Variants in SEMA3C observed in about 807,000 individuals in gnomAD.
SEMA3C encodes semaphorin 3C.
SEMA3C carries 47 observed loss-of-function variants against 89.4 expected under a neutral mutation model. The observed-to-expected ratio is 0.53, with a 90% confidence interval of 0.42 to 0.67. The LOEUF (loss-of-function observed/expected upper bound fraction) is 0.67, where lower values mean the gene tolerates loss of function less well. Among genes scored for constraint, SEMA3C ranks in the 30% least tolerant of loss-of-function variants. The probability of loss-of-function intolerance (pLI) is 0.00; values close to 1 mark genes in which losing one functional copy is unlikely to be tolerated. For synonymous variants in SEMA3C, 310 were observed against 320.2 expected (o/e 0.97, Z 0.34); for missense variants, 839 against 929.1 (o/e 0.90, Z 1.26).
At chr7:80,801,260 C>A (rs1789201311) in intron 9 of SEMA3C, among the ~76,000 whole-genome samples, 1 of 151,944 alleles carries the variant, frequency 6.6e-6, no homozygotes, top group Admixed American at 6.6e-5. Flanking sequence ...AAAAAAATTA[C>A]AAATCTCAAT....
chr7:80,883,961 A>G (rs1029215527), intron 2 of SEMA3C, among the ~76,000 whole-genome samples: 2 of 152,218 alleles, frequency 1.3e-5, no homozygotes, highest in Non-Finnish European at 2.9e-5. Flanking sequence ...TAAATCCAAG[A>G]GGTCGTTTCC....
At chr7:80,806,163 C>T (rs755424395) in intron 6 of SEMA3C, among the ~76,000 whole-genome samples, 5 of 152,062 alleles carry the variant, frequency 3.3e-5, no homozygotes, top group Non-Finnish European at 7.4e-5. Flanking sequence ...AGTCAGAAAA[C>T]ATGGTTTCTA....
At chr7:80,918,261 G>T (rs776589173) in intron 1 of SEMA3C, 1 of 152,094 alleles carries the variant, frequency 6.6e-6, no homozygotes, top group Non-Finnish European at 1.5e-5. Context: ...TGAGCAAGTT[G>T]ATATTATTTA....
At chr7:80,791,853 C>T (rs888077452) in intron 11 of SEMA3C, among the ~76,000 whole-genome samples, 2 of 152,274 alleles carry the variant, frequency 1.3e-5, no homozygotes, top group South Asian at 2.1e-4. Context: ...CAGGCCTCCA[C>T]GTGCAGCTAG....
chr7:80,799,668 C>T (rs1789150301), intron 10 of SEMA3C, among the ~76,000 whole-genome samples: 1 of 150,864 alleles, frequency 6.6e-6, no homozygotes, highest in African/African-American at 2.4e-5. Flanking sequence ...ATGGTGAAAC[C>T]CTGTCTCTAC....
intron 11 of SEMA3C, among the ~76,000 whole-genome samples, chr7:80,792,113 A>G (rs1423171581): frequency 6.6e-6 from 1 of 152,204 alleles, no homozygotes; most frequent in East Asian, 1.9e-4. Context: ...TCTGGAGTTC[A>G]TATGTTTTTA....
At chr7:80,821,726 G>A (rs73139721) in intron 4 of SEMA3C, among the ~76,000 whole-genome samples, 11,520 of 152,070 alleles carry the variant, frequency 0.076, 465 homozygotes, top group Non-Finnish European at 0.097. Context: ...CTTTGATGTC[G>A]ATTGCTTAAT....
chr7:80,873,229 G>T (rs1389586778), intron 2 of SEMA3C, among the ~76,000 whole-genome samples: 4 of 152,094 alleles, frequency 2.6e-5, no homozygotes, highest in Non-Finnish European at 5.9e-5. Flanking sequence ...GTGAGACTGT[G>T]GTGAGCAGGG....
At chr7:80,785,886 G>A (rs977262920) in intron 12 of SEMA3C, among the ~76,000 whole-genome samples, 13 of 152,330 alleles carry the variant, frequency 8.5e-5, no homozygotes, top group African/African-American at 3.1e-4. Context: ...GGGATTACAG[G>A]CGTGAGCCAC....
chr7:80,913,545 C>T (rs1018356671), intron 2 of SEMA3C, among the ~76,000 whole-genome samples: 6 of 152,178 alleles, frequency 3.9e-5, no homozygotes, highest in African/African-American at 1.4e-4. Context: ...CAGCCATGGG[C>T]TGCAAGATTG....
At chr7:80,752,627 A>AT (rs1375577623) in intron 15 of SEMA3C, among the ~76,000 whole-genome samples, 11 of 151,860 alleles carry the variant, frequency 7.2e-5, no homozygotes, top group African/African-American at 2.7e-4. Context: ...AAAAAAAAAA[A>AT]AAAAAATACA....
intron 2 of SEMA3C, among the ~76,000 whole-genome samples, chr7:80,873,703 G>C (rs765724874): frequency 6.6e-6 from 1 of 152,146 alleles, no homozygotes; most frequent in South Asian, 2.1e-4. Flanking sequence ...CAGACCTCTA[G>C]GAGGGCCTTT....
At position 80,748,966 on chromosome 7, in the gene SEMA3C, A is replaced by G. The variant is rs1333980252; in HGVS notation, c.1774T>C (p.Cys592Arg). The change falls in exon 17 of 18, where the codon TGT becomes CGT. Residue 592 changes from cysteine to arginine, a missense_variant. Coordinates refer to ENST00000265361, the MANE Select transcript of SEMA3C (RefSeq NM_006379.5). Reference sequence around the variant, plus strand: ...GATGCCTGCGGAGACTTGGGGGCACACTCCAGAAAAGTGGTGTTATTTTTT... The same window carrying G: ...GATGCCTGCGGAGACTTGGGGGCACGCTCCAGAAAAGTGGTGTTATTTTTT... ...GVKNNTTFLE[C>R]APKSPQASIK... 6.2e-7 allele frequency: 1 copy of G among 1,613,242 alleles called. No individual in the cohort carries two copies. Among genetic ancestry groups the G allele is most frequent in the African/African-American group, 1.3e-5 (1 of 74,804 alleles).
At chr7:80,746,438 AAAG>A (rs869279464) in intron 17 of SEMA3C, among the ~76,000 whole-genome samples, 2 of 57,650 alleles carry the variant, frequency 3.5e-5, no homozygotes, top group Non-Finnish European at 5.0e-5. Flanking sequence ...GAAATTAAAG[AAAG>A]AAGAAATTTT....
chr7:80,877,785 A>T (rs1487713409), intron 2 of SEMA3C, among the ~76,000 whole-genome samples: 1 of 151,354 alleles, frequency 6.6e-6, no homozygotes, highest in Non-Finnish European at 1.5e-5. Flanking sequence ...TATATTTTTA[A>T]TTTTTTTTTC....
At chr7:80,889,249 T>C (rs1791555020) in intron 2 of SEMA3C, among the ~76,000 whole-genome samples, 1 of 152,230 alleles carries the variant, frequency 6.6e-6, no homozygotes, top group Non-Finnish European at 1.5e-5. Flanking sequence ...GGGCAGTTAT[T>C]ATTATATTCT....
chr7:80,742,620 G>A lies in SEMA3C; in HGVS notation c.*2274C>T, dbSNP rs987526265. 1 of 151,884 alleles carries A rather than the reference G, an allele frequency of 6.6e-6. No individual in the cohort carries two copies. Among genetic ancestry groups the A allele is most frequent in the African/African-American group, 2.4e-5 (1 of 41,404 alleles). 9.4% of individuals were successfully genotyped at this position (151,884 alleles called of 1,614,324 possible). On this transcript the variant is annotated 3_prime_UTR_variant, in exon 18 of 18. Transcript: ENST00000265361. ...AATTTTAGTGTGACAACTACATTTA[G>A]TTTGTTTTCTTACACAGATTGAACA...
At chr7:80,768,204 C>T (rs1318157277) in intron 12 of SEMA3C, among the ~76,000 whole-genome samples, 1 of 152,196 alleles carries the variant, frequency 6.6e-6, no homozygotes, top group Admixed American at 6.5e-5. Context: ...ATCTGCTTTG[C>T]AGCCGCTTCC....
rs71520704 is a variant in SEMA3C at position 80,750,435 on chromosome 7, CATATATATATATATATATATATATATAT to C, written c.1711+806_1711+833del. On this transcript the variant is annotated intron_variant, in intron 16 of 17. Transcript: ENST00000265361. ...TATGGCTTACCTACATACATACGTA[CATATATATATATATATATATATATATAT>C]ATATATATATACACACACACACACA... Among the ~76,000 whole-genome samples the C allele has an allele frequency of 2.4e-4, 17 of 71,084 alleles. 1 individual carries two copies. Among genetic ancestry groups the C allele is most frequent in the South Asian group, 1.2e-3 (3 of 2,404 alleles). The allele number at this position is 71,084 out of a possible 152,430, so 46.6% of individuals were successfully genotyped here.
Sources: gnomAD v4.1 joint callset for allele counts (sites outside exome capture counted in the v4.1 genomes callset) on GRCh38, gnomAD v4.1.1 for gene constraint, MANE v1.5 for transcripts, NCBI Gene and HGNC (gene_info 2026-07-23, HGNC 2026-07-21) for gene names.